Variants in MAGED1 observed in about 807,000 individuals in gnomAD.
MAGED1 encodes melanoma-associated antigen D1.
A neutral mutation model predicts 54.1 loss-of-function variants in MAGED1; 3 were observed. The observed-to-expected ratio is 0.06, with a 90% confidence interval of 0.03 to 0.14. MAGED1 has a LOEUF of 0.14. Ranked by LOEUF, MAGED1 falls within the 10% of genes least tolerant of loss-of-function variation. The pLI is 1.00. For synonymous variants in MAGED1, 217 were observed against 227.3 expected, an observed-to-expected ratio of 0.95 and a Z score of 0.41; for missense variants, 485 against 623.4, an observed-to-expected ratio of 0.78 and a Z score of 2.36.
chrX:51,837,952 T>C (rs1399634280), intron 1 of MAGED1, among the ~76,000 whole-genome samples: 7 of 112,708 alleles, frequency 6.2e-5, no homozygotes, highest in Non-Finnish European at 9.4e-5. Context: ...ATTTCAATTA[T>C]TTATGCCAGC....
intron 1 of MAGED1, among the ~76,000 whole-genome samples, chrX:51,865,546 A>G (rs112841851): frequency 0.016 from 1,791 of 111,140 alleles, 14 homozygotes; most frequent in Middle Eastern, 0.037. Flanking sequence ...TCCATCTCCC[A>G]TATTCACATT....
intron 1 of MAGED1, among the ~76,000 whole-genome samples, chrX:51,830,395 T>G (rs1332560596): frequency 9.0e-6 from 1 of 110,996 alleles, no homozygotes; most frequent in Non-Finnish European, 1.9e-5. Flanking sequence ...TCTAGAATGT[T>G]TAGTTTATTT....
chrX:51,825,181 G>A (rs1403401009), intron 1 of MAGED1, among the ~76,000 whole-genome samples: 1 of 110,228 alleles, frequency 9.1e-6, no homozygotes, highest in Non-Finnish European at 1.9e-5. Flanking sequence ...CATGGCTTGG[G>A]AGTTGCTACT....
intron 1 of MAGED1, among the ~76,000 whole-genome samples, chrX:51,810,054 G>T (rs1248279024): frequency 9.0e-6 from 1 of 111,115 alleles, no homozygotes; most frequent in East Asian, 2.8e-4. Context: ...AAGAATTCAT[G>T]GATTTTTATG....
At chrX:51,886,188 T>G (rs1928229410) in intron 1 of MAGED1, among the ~76,000 whole-genome samples, 1 of 108,553 alleles carries the variant, frequency 9.2e-6, no homozygotes, top group African/African-American at 3.3e-5. Flanking sequence ...AGTTAGATAG[T>G]AGGAATAAGA....
intron 1 of MAGED1, among the ~76,000 whole-genome samples, chrX:51,855,757 C>T (rs1206011599): frequency 2.7e-5 from 3 of 111,285 alleles, no homozygotes; most frequent in Non-Finnish European, 3.8e-5. Flanking sequence ...AACTCCTGAC[C>T]TCAAATGATC....
intron 1 of MAGED1, among the ~76,000 whole-genome samples, chrX:51,810,441 A>G (rs1180668403): frequency 8.9e-6 from 1 of 112,301 alleles, no homozygotes; most frequent in African/African-American, 3.2e-5. Flanking sequence ...AAATTCGCTA[A>G]ACATGGCTTT....
chrX:51,897,117 G>A, intron 4 of MAGED1, 40 bp downstream of exon 4: 1 of 1,199,533 alleles, frequency 8.3e-7, no homozygotes, highest in Non-Finnish European at 1.1e-6. Context: ...CCCCTCTCTT[G>A]CTCTTTTCTT....
At position 51,901,868 on chromosome X, in the gene MAGED1, G is replaced by A; in HGVS notation, c.2275G>A (p.Gly759Ser). 2 of 1,210,639 alleles carry A rather than the reference G, an allele frequency of 1.7e-6. No individual in the cohort carries two copies. The highest frequency in any genetic ancestry group is 2.2e-6 in the Non-Finnish European group (2 of 895,101). The change falls in exon 12 of 13, where the codon GGT (glycine) becomes AGT (serine). Residue 759 changes from glycine (G) to serine (S), a missense_variant. This residue lies in a region of MAGED1 where 186 missense variants were observed against 330.3 expected (regional missense o/e 0.56). Coordinates refer to ENST00000326587, the MANE Select transcript of MAGED1 (RefSeq NM_006986.4). ...TGCCGGTCCCATTATTGGTCCTGGT[G>A]GTACAGCCAGTGCCAACTTCGCTGC... is the stretch of plus-strand genomic sequence containing the variant. ...TFAGPIIGPG[G>S]TASANFAANF...
intron 1 of MAGED1, among the ~76,000 whole-genome samples, chrX:51,812,711 GC>G (rs1169962578): frequency 9.0e-6 from 1 of 111,446 alleles, no homozygotes; most frequent in Non-Finnish European, 1.9e-5. Context: ...TATGAATAAT[GC>G]TGCTGTGAAC....
intron 1 of MAGED1, among the ~76,000 whole-genome samples, chrX:51,882,608 A>AC (rs1223275683): frequency 1.0e-5 from 1 of 95,581 alleles, no homozygotes; most frequent in Non-Finnish European, 2.1e-5. Context: ...AAGGGCACAG[A>AC]CAAAAAAAAA....
chrX:51,806,173 C>T (rs1557355076), intron 1 of MAGED1, among the ~76,000 whole-genome samples: 3 of 108,698 alleles, frequency 2.8e-5, no homozygotes, highest in African/African-American at 1.0e-4. Context: ...GGGGTTTCAC[C>T]ATGTTGGCCA....
chrX:51,856,848 G>A (rs1406752211), intron 1 of MAGED1: 1 of 111,522 alleles, frequency 9.0e-6, no homozygotes, highest in Non-Finnish European at 1.9e-5. Flanking sequence ...GAAGAGAAAG[G>A]CTGTGAGTGA....
At chrX:51,812,482 C>T (rs1346325900) in intron 1 of MAGED1, among the ~76,000 whole-genome samples, 3 of 112,126 alleles carry the variant, frequency 2.7e-5, no homozygotes, top group Non-Finnish European at 5.6e-5. Flanking sequence ...CTATTCTGAA[C>T]ATTTCATATA....
chrX:51,900,743 C>T (rs1928984730), intron 11 of MAGED1, among the ~76,000 whole-genome samples: 1 of 111,353 alleles, frequency 9.0e-6, no homozygotes, highest in Admixed American at 9.5e-5. Context: ...GATTCTTGTG[C>T]CTCAGCCTCC....
upstream of MAGED1, among the ~76,000 whole-genome samples, chrX:51,891,597 G>A (rs1928439797): frequency 8.9e-6 from 1 of 112,340 alleles, no homozygotes; most frequent in South Asian, 3.7e-4. Context: ...ATGGTTCTAG[G>A]TGCTGGGGAA....
rs782620932 is a variant in MAGED1, at chrX:51,895,575, G to A, written c.568G>A (p.Ala190Thr). ...CAAGGCTTGGAATGATACCACTAAG[G>A]CCCCAACAGCTGATACCCAGACCCA... ...PFKAWNDTTKAPTADTQTQNV... is the reference protein window; with the variant it reads ...PFKAWNDTTKTPTADTQTQNV... The change falls in exon 3 of 13, where the codon GCC becomes ACC. Residue 190 changes from alanine to threonine, a missense_variant. Around this residue, in one of 2 missense-constraint regions of MAGED1, gnomAD observed 299 missense variants for 293.1 expected, o/e 1.02. Coordinates refer to ENST00000326587, the MANE Select transcript of MAGED1 (RefSeq NM_006986.4). The A allele has an allele frequency of 1.7e-5, 21 of 1,211,525 alleles. No individual in the cohort carries two copies. Among genetic ancestry groups the A allele is most frequent in the Non-Finnish European group, 2.2e-5 (20 of 895,487 alleles).
Position 51,896,646 on chromosome X carries a change from G to A in MAGED1, c.991G>A (p.Ala331Thr), listed in dbSNP as rs782639348. The part of the protein sequence containing the change: ...QSPPARQTPP[A>T]WQNPVAWQNP... ...CCCTCCAGCTAGGCAGACCCCACCAGCCTGGCAGAACCCAGTCGCTTGGCA... is the reference window on the plus strand; with the variant it reads ...CCCTCCAGCTAGGCAGACCCCACCAACCTGGCAGAACCCAGTCGCTTGGCA... Residue 331 changes from alanine to threonine, a missense_variant, in exon 4 of 13, where the codon GCC (alanine) becomes ACC (threonine). By Grantham distance (58) the Ala-to-Thr change is moderately conservative. Around this residue, in one of 2 missense-constraint regions of MAGED1, gnomAD observed 299 missense variants for 293.1 expected, o/e 1.02. Transcript: ENST00000326587. 7 of 1,212,247 alleles carry A rather than the reference G, an allele frequency of 5.8e-6. No individual in the cohort carries two copies. Among genetic ancestry groups the A allele is most frequent in the Non-Finnish European group, 7.8e-6 (7 of 895,612 alleles).
rs782717533 is a variant in MAGED1, at chrX:51,894,225, C to A, written c.-36-44C>A. On this transcript the variant is annotated intron_variant, in intron 1 of 12. Transcript: ENST00000326587. ...TCACCCCCCTCCCAATTAGGTCCTT[C>A]GTATTTGCCCTCTGTAGTATAACGC... 1.1e-5 allele frequency: 9 copies of A among 791,731 alleles called. No homozygotes were observed. In the Admixed American group the frequency reaches 1.9e-4, roughly 17 times the overall value. 65.2% of individuals were successfully genotyped at this position (791,731 alleles called of 1,213,427 possible). A position where few individuals can be genotyped will look rare whatever the true frequency, so the allele number is the denominator to read the frequency against.
Sources: allele counts gnomAD v4.1 joint callset (sites outside exome capture counted in the v4.1 genomes callset), GRCh38; gene constraint gnomAD v4.1.1; regional missense constraint gnomAD v4.1.1; transcripts MANE v1.5; gene names NCBI Gene and HGNC (gene_info 2026-07-23, HGNC 2026-07-21).